Variants in KCNMA1 observed in about 807,000 individuals in gnomAD.
The protein encoded by KCNMA1 is Calcium-activated potassium channel subunit alpha-1.
A neutral mutation model predicts 140.0 loss-of-function variants in KCNMA1; 29 were observed. The observed-to-expected ratio is 0.21, with a 90% CI of 0.15 to 0.28. The LOEUF (loss-of-function observed/expected upper bound fraction) is 0.28, where lower values mean the gene tolerates loss of function less well. Among genes scored for constraint, KCNMA1 ranks in the 10% least tolerant of loss-of-function variants. The probability of loss-of-function intolerance (pLI) is 1.00; values close to 1 mark genes in which losing one functional copy is unlikely to be tolerated. For synonymous variants in KCNMA1, 612 were observed against 611.9 expected, an observed-to-expected ratio of 1.00 and a Z score of 0.00; for missense variants, 880 against 1,602.2, an observed-to-expected ratio of 0.55 and a Z score of 7.70.
intron 2 of KCNMA1, among the ~76,000 whole-genome samples, chr10:77,263,421 A>T (rs1412649858): frequency 6.6e-6 from 1 of 152,130 alleles, no homozygotes; most frequent in Non-Finnish European, 1.5e-5. Context: ...TCATCCTATA[A>T]CCACTTTACA....
At chr10:77,325,289 T>A (rs1050009913) in intron 2 of KCNMA1, among the ~76,000 whole-genome samples, 1 of 152,124 alleles carries the variant, frequency 6.6e-6, no homozygotes, top group African/African-American at 2.4e-5. Flanking sequence ...CTCCTGGAAG[T>A]CTGCCCTTCA....
intron 1 of KCNMA1, among the ~76,000 whole-genome samples, chr10:77,579,766 C>T (rs1312328431): frequency 1.3e-5 from 2 of 152,012 alleles, no homozygotes; most frequent in Admixed American, 6.5e-5. Flanking sequence ...CCTCAGGAGG[C>T]CCTTGTGATG....
chr10:76,976,949 G>A lies in KCNMA1; in HGVS notation c.2267-6882C>T, dbSNP rs183438599. Among the ~76,000 whole-genome samples, 249 of 152,202 alleles carry A rather than the reference G, an allele frequency of 1.6e-3. 1 individual carries two copies. Among genetic ancestry groups the A allele is most frequent in the Non-Finnish European group, 3.2e-3 (221 of 68,014 alleles). ...GAACTTCCCTGAATTTTTGCTATGG[G>A]GTTTGGAGAATGGGAAGGTACTAGG... On this transcript the variant is annotated intron_variant, in intron 19 of 27. Transcript: ENST00000286628.
intron 14 of KCNMA1, among the ~76,000 whole-genome samples, chr10:77,050,555 T>C (rs1449641803): frequency 2.0e-5 from 3 of 152,230 alleles, no homozygotes; most frequent in African/African-American, 7.2e-5. Flanking sequence ...CAGTGCTATC[T>C]ATACTTTGAT....
At chr10:77,268,526 A>G (rs1441083966) in intron 2 of KCNMA1, among the ~76,000 whole-genome samples, 1 of 152,088 alleles carries the variant, frequency 6.6e-6, no homozygotes, top group African/African-American at 2.4e-5. Context: ...GAGTTACTGG[A>G]GGCTTACAAG....
At chr10:77,206,310 A>C (rs1565208435) in intron 3 of KCNMA1, among the ~76,000 whole-genome samples, 1 of 152,222 alleles carries the variant, frequency 6.6e-6, no homozygotes, top group Non-Finnish European at 1.5e-5. Flanking sequence ...GTTTGAAAAA[A>C]ATGTGTCAAC....
chr10:77,229,105 GAACTTGAGGAACAATGACT>G (rs1350906078), intron 3 of KCNMA1, among the ~76,000 whole-genome samples: 1 of 152,058 alleles, frequency 6.6e-6, no homozygotes, highest in African/African-American at 2.4e-5. Flanking sequence ...GTTCTTGAAG[GAACTTGAGGAACAATGACT>G]ACTTCAAGTC....
intron 14 of KCNMA1, among the ~76,000 whole-genome samples, chr10:77,060,850 G>A (rs1023352874): frequency 2.6e-5 from 4 of 152,080 alleles, no homozygotes; most frequent in African/African-American, 7.2e-5. Context: ...GGAGTGATGC[G>A]ATGACAGGGA....
chr10:77,087,536 C>T (rs971652467), intron 10 of KCNMA1, among the ~76,000 whole-genome samples: 2 of 152,124 alleles, frequency 1.3e-5, no homozygotes, highest in Non-Finnish European at 1.5e-5. Flanking sequence ...GACTTCTCAT[C>T]CCCCAAGGCC....
At chr10:77,266,601 T>C (rs2063506702) in intron 2 of KCNMA1, among the ~76,000 whole-genome samples, 2 of 152,208 alleles carry the variant, frequency 1.3e-5, no homozygotes. Flanking sequence ...TCTTTTCTTT[T>C]CTTCTATTGA....
At chr10:77,198,568 G>GATATATATATATATATATATATAT (rs3998087) in intron 3 of KCNMA1, among the ~76,000 whole-genome samples, 11 of 138,424 alleles carry the variant, frequency 7.9e-5, no homozygotes, top group Non-Finnish European at 1.7e-4. Flanking sequence ...ATATATATGT[G>GATATATATATATATATATATATAT]ATATATATAT....
rs1554921803 is a variant in KCNMA1, at chr10:76,920,020, G to GTATATGTATATATATATATA, written c.2903-4972_2903-4971insTATATATATATATACATATA. Among the ~76,000 whole-genome samples, 57 of 34,422 alleles carry GTATATGTATATATATATATA rather than the reference G, an allele frequency of 1.7e-3. 1 individual carries two copies. Among genetic ancestry groups the GTATATGTATATATATATATA allele is most frequent in the Non-Finnish European group, 2.5e-3 (47 of 18,682 alleles). 22.6% of individuals were successfully genotyped at this position (34,422 alleles called of 152,430 possible). On this transcript the variant is annotated intron_variant, in intron 23 of 27. Transcript: ENST00000286628. ...TGTGTGTGTGTGTGTGTGTGTGTGT[G>GTATATGTATATATATATATA]TATATATATATATATATATATATAT...
intron 19 of KCNMA1, chr10:76,977,690 T>A: frequency 1.4e-6 from 1 of 702,102 alleles, no homozygotes; most frequent in Admixed American, 2.0e-5. Context: ...CCACCTGAAG[T>A]GCACAGATCT....
intron 3 of KCNMA1, among the ~76,000 whole-genome samples, chr10:77,240,523 G>C (rs1181664091): frequency 6.6e-6 from 1 of 152,184 alleles, no homozygotes; most frequent in Non-Finnish European, 1.5e-5. Flanking sequence ...ACCAGAAAGA[G>C]AGACAGTTTA....
chr10:77,240,794 G>A (rs551561262), intron 3 of KCNMA1, among the ~76,000 whole-genome samples: 4 of 152,244 alleles, frequency 2.6e-5, no homozygotes, highest in Non-Finnish European at 5.9e-5. Context: ...CACCAGATCC[G>A]CCTCACTCAT....
At chr10:76,944,518 G>C (rs916294017) in intron 23 of KCNMA1, among the ~76,000 whole-genome samples, 4 of 152,168 alleles carry the variant, frequency 2.6e-5, no homozygotes, top group Non-Finnish European at 5.9e-5. Context: ...AAGCTGAGGG[G>C]GTGGCTATTT....
rs1430842020 is a variant in KCNMA1, at chr10:76,885,759, C to G, written c.*1507G>C. The G allele has an allele frequency of 1.0e-6, 1 of 985,234 alleles. No individual in the cohort carries two copies. Among genetic ancestry groups the G allele is most frequent in the African/African-American group, 1.7e-5 (1 of 57,312 alleles). The allele number at this position is 985,234 out of a possible 1,614,324, so 61.0% of individuals were successfully genotyped here. A position where few individuals can be genotyped will look rare whatever the true frequency, so the allele number is the denominator to read the frequency against. ...ACCGCACTGCCTAAAGCATGATTTG[C>G]ATGCACAAAGCATCTGACAACTATA... On this transcript the variant is annotated 3_prime_UTR_variant, in exon 28 of 28. Coordinates refer to ENST00000286628, the MANE Select transcript of KCNMA1 (RefSeq NM_001161352.2).
At position 77,403,900 on chromosome 10, in the gene KCNMA1, C is replaced by A. The variant is rs1382430237; in HGVS notation, c.502G>T (p.Val168Leu). The A allele has an allele frequency of 6.2e-7, 1 of 1,614,004 alleles. No homozygotes were observed. Among genetic ancestry groups the A allele is most frequent in the Admixed American group, 1.7e-5 (1 of 60,018 alleles). The change falls in exon 2 of 28, where the codon GTG becomes TTG. Residue 168 changes from valine (V) to leucine (L), a missense_variant. This residue lies in a region of KCNMA1 where 198 missense variants were observed against 580.1 expected (regional missense o/e 0.34). Coordinates refer to ENST00000286628, the MANE Select transcript of KCNMA1 (RefSeq NM_001161352.2). ...WMTSVKDWAG[V>L]MISAQTLTGR... is the part of the protein sequence containing the mutation. ...GTCAGTGTCTGGGCGGATATCATCA[C>A]CCCCGCCCAGTCCTTCACGGAGGTC... is the stretch of plus-strand genomic sequence containing the variant.
At chr10:77,439,507 A>G (rs1359427578) in intron 1 of KCNMA1, among the ~76,000 whole-genome samples, 1 of 152,158 alleles carries the variant, frequency 6.6e-6, no homozygotes, top group Non-Finnish European at 1.5e-5. Context: ...CATCATCACA[A>G]CACACATCCC....
Sources: gnomAD v4.1 joint callset for allele counts (sites outside exome capture counted in the v4.1 genomes callset) on GRCh38, gnomAD v4.1.1 for gene constraint, gnomAD v4.1.1 regional missense constraint, MANE v1.5 for transcripts, NCBI Gene and HGNC (gene_info 2026-07-23, HGNC 2026-07-21) for gene names.